Variants in TMX3 observed in about 807,000 individuals in gnomAD.
TMX3 encodes the protein thioredoxin related transmembrane protein 3.
In TMX3, 40 loss-of-function variants were observed where a neutral mutation model predicts 64.4. The observed-to-expected ratio is 0.62, with a 90% CI of 0.48 to 0.81. The LOEUF is 0.81. Ranked by LOEUF, TMX3 falls within the 30% of genes least tolerant of loss-of-function variation. The probability of loss-of-function intolerance (pLI) is 0.00; values close to 1 mark genes in which losing one functional copy is unlikely to be tolerated. For synonymous variants in TMX3, 189 were observed against 175.7 expected (o/e 1.08, Z -0.60); for missense variants, 497 against 534.5 (o/e 0.93, Z 0.69).
intron 15 of TMX3, 22 bp from the exon 16 acceptor site, chr18:68,677,215 T>C: frequency 6.2e-7 from 1 of 1,601,336 alleles, no homozygotes; most frequent in Non-Finnish European, 8.5e-7. Context: ...GAATTAAAAC[T>C]CAGTTCCCTT....
In TMX3 at chr18:68,676,983, C is replaced by T; in HGVS notation, c.1315G>A (p.Val439Met). ...QQEPSSGGSV[V>M]PTVQEPKDVL... ...TCCTTGGGCTCCTGCACTGTAGGCA[C>T]TACAGATCCTCCACTGCTGGGCTCC... is the stretch of plus-strand genomic sequence containing the variant. Residue 439 changes from valine (V) to methionine (M), a missense_variant, in exon 16 of 16, where the codon GTG (valine) becomes ATG (methionine). Val to Met is a conservative substitution (Grantham distance 21). This residue lies in a region of TMX3 where 94 missense variants were observed against 75.8 expected (regional missense o/e 1.24). Transcript: ENST00000299608. 1 of 1,613,788 alleles carries T rather than the reference C, an allele frequency of 6.2e-7. No homozygotes were observed. Among genetic ancestry groups the T allele is most frequent in the Non-Finnish European group, 8.5e-7 (1 of 1,179,802 alleles).
intron 9 of TMX3, chr18:68,688,711 C>T (rs1349837858): frequency 1.3e-5 from 2 of 152,042 alleles, no homozygotes; most frequent in Non-Finnish European, 2.9e-5. Flanking sequence ...AAACATAAAA[C>T]TAGAAATTGA....
chr18:68,681,674 T>C, intron 13 of TMX3: 4 of 971,620 alleles, frequency 4.1e-6, no homozygotes, highest in Non-Finnish European at 2.4e-6. Context: ...ACTTAGAAAA[T>C]AGAAGACACC....
At chr18:68,687,645 G>A (rs775004634) in intron 10 of TMX3, 22 bp downstream of exon 10, 1 of 1,586,654 alleles carries the variant, frequency 6.3e-7, no homozygotes, top group South Asian at 1.2e-5. Flanking sequence ...ACATAATGGA[G>A]ACTTGTACAT....
At chr18:68,679,425 C>G in intron 15 of TMX3, 38 bp downstream of exon 15, 1 of 1,523,568 alleles carries the variant, frequency 6.6e-7, no homozygotes, top group Non-Finnish European at 9.0e-7. Flanking sequence ...GAACCTATAT[C>G]TTCTTCATTA....
Position 68,673,972 on chromosome 18 carries a change from T to C in TMX3, c.*2961A>G, listed in dbSNP as rs1912728183. On this transcript the variant is annotated 3_prime_UTR_variant, in exon 16 of 16. Transcript: ENST00000299608. ...AATGCATAAGGAGTGTTGAATGATT[T>C]TTCCCTGTCCTAACTCCATGTCGTA... 1 of 152,124 alleles carries C rather than the reference T, an allele frequency of 6.6e-6. No individual in the cohort carries two copies. Among genetic ancestry groups the C allele is most frequent in the African/African-American group, 2.4e-5 (1 of 41,442 alleles). The allele number at this position is 152,124 out of a possible 1,614,324, so 9.4% of individuals were successfully genotyped here.
At chr18:68,707,653 C>G (rs963279911) in intron 4 of TMX3, among the ~76,000 whole-genome samples, 8 of 152,116 alleles carry the variant, frequency 5.3e-5, no homozygotes, top group African/African-American at 1.7e-4. Flanking sequence ...ATACATGACT[C>G]GATGACTCCA....
At chr18:68,683,351 A>G (rs530801165) in intron 12 of TMX3, among the ~76,000 whole-genome samples, 38 of 152,282 alleles carry the variant, frequency 2.5e-4, no homozygotes, top group Admixed American at 1.9e-3. Flanking sequence ...ATGTAAGAAA[A>G]CTATACAATG....
chr18:68,683,550 TG>T (rs2145020626), intron 12 of TMX3, among the ~76,000 whole-genome samples: 1 of 152,312 alleles, frequency 6.6e-6, no homozygotes, highest in East Asian at 1.9e-4. Context: ...TGCCTATCTC[TG>T]ACTTCTGATC....
At chr18:68,696,308 G>A (rs1568191286) in intron 8 of TMX3, among the ~76,000 whole-genome samples, 1 of 152,048 alleles carries the variant, frequency 6.6e-6, no homozygotes, top group Non-Finnish European at 1.5e-5. Context: ...TGAGTAGCTG[G>A]GATTACAGGC....
chr18:68,703,133 C>T (rs1381911351), intron 4 of TMX3, among the ~76,000 whole-genome samples: 1 of 152,076 alleles, frequency 6.6e-6, no homozygotes, highest in African/African-American at 2.4e-5. Flanking sequence ...TGCTTTCTTC[C>T]CAGCAAAAAC....
chr18:68,704,468 T>C (rs1346757923), intron 4 of TMX3, among the ~76,000 whole-genome samples: 1 of 152,150 alleles, frequency 6.6e-6, no homozygotes, highest in Admixed American at 6.5e-5. Context: ...GTAACTCTTT[T>C]GAGAGCAAAC....
At chr18:68,696,914 T>G in intron 8 of TMX3, 1 of 235,838 alleles carries the variant, frequency 4.2e-6, no homozygotes, top group Non-Finnish European at 8.1e-6. Context: ...GCACGCAAAA[T>G]AATCCACCAC....
Position 68,676,603 on chromosome 18 carries a change from G to A in TMX3, c.*330C>T, listed in dbSNP as rs1274466918. Reference sequence around the variant, plus strand: ...TCACACATGTATCTTCTACCTGACTGACCAATTTAAATATTCTGCCCAAGA... The same window carrying A: ...TCACACATGTATCTTCTACCTGACTAACCAATTTAAATATTCTGCCCAAGA... On this transcript the variant is annotated 3_prime_UTR_variant, in exon 16 of 16. Transcript: ENST00000299608. The A allele has an allele frequency of 4.1e-6, 1 of 244,618 alleles. No homozygotes were observed. The highest frequency in any genetic ancestry group is 7.9e-6 in the Non-Finnish European group (1 of 127,258). The allele number at this position is 244,618 out of a possible 1,614,324, so 15.2% of individuals were successfully genotyped here.
intron 14 of TMX3, among the ~76,000 whole-genome samples, chr18:68,679,862 G>C (rs544593213): frequency 6.6e-6 from 1 of 152,152 alleles, no homozygotes; most frequent in African/African-American, 2.4e-5. Context: ...AACCAGAGCT[G>C]CTGCAGGATA....
At chr18:68,707,194 C>CTTT (rs774533164) in intron 4 of TMX3, among the ~76,000 whole-genome samples, 12 of 138,496 alleles carry the variant, frequency 8.7e-5, no homozygotes, top group African/African-American at 3.2e-4. Context: ...TACAAAGGGA[C>CTTT]TTTTTTTTTT....
chr18:68,697,497 G>A (rs1915210465), intron 7 of TMX3, 194 bp from the exon 8 acceptor site: 1 of 409,538 alleles, frequency 2.4e-6, no homozygotes, highest in Non-Finnish European at 4.4e-6. Flanking sequence ...GTAATTAAGA[G>A]CTTTTATCTT....
chr18:68,695,914 A>G (rs1945815185), intron 8 of TMX3, among the ~76,000 whole-genome samples: 1 of 151,960 alleles, frequency 6.6e-6, no homozygotes, highest in South Asian at 2.1e-4. Flanking sequence ...TTCCCATCAC[A>G]CTGTAGGCAC....
chr18:68,687,798 T>C, intron 9 of TMX3, 33 bp from the exon 10 acceptor site: 3 of 1,525,708 alleles, frequency 2.0e-6, no homozygotes, highest in Non-Finnish European at 2.7e-6. Context: ...CAAATTACAG[T>C]ATAAATATGA....
Sources: gnomAD v4.1 joint callset for allele counts (sites outside exome capture counted in the v4.1 genomes callset) on GRCh38, gnomAD v4.1.1 for gene constraint, gnomAD v4.1.1 regional missense constraint, MANE v1.5 for transcripts, NCBI Gene and HGNC (gene_info 2026-07-23, HGNC 2026-07-21) for gene names.